Variants in MYH14 observed in about 807,000 individuals in gnomAD.
The protein encoded by MYH14 is myosin-14.
MYH14 carries 123 observed loss-of-function variants against 255.5 expected under a neutral mutation model. The ratio of observed to expected loss-of-function variants is 0.48; its 90% CI spans 0.42 to 0.56. The LOEUF (loss-of-function observed/expected upper bound fraction) is 0.56. MYH14 is among the 20% of genes least tolerant of loss of function. The pLI, the probability that MYH14 is intolerant of heterozygous loss-of-function variation, is 0.00. For missense variants in MYH14, 2,423 were observed against 2,802.3 expected, an observed-to-expected ratio of 0.86 and a Z score of 3.06; for synonymous variants, 1,095 against 1,161.2, an observed-to-expected ratio of 0.94 and a Z score of 1.16.
At position 50,293,025 on chromosome 19, in the gene MYH14, G is replaced by A. The variant is rs910119631; in HGVS notation, c.5257-208G>A. 5.9e-5 allele frequency among the ~76,000 whole-genome samples: 9 copies of A among 151,982 alleles called. No homozygotes were observed. The highest frequency in any genetic ancestry group is 1.3e-4 in the Admixed American group (2 of 15,258). On this transcript the variant is annotated intron_variant, in intron 37 of 42. Coordinates refer to ENST00000642316, the MANE Select transcript of MYH14 (RefSeq NM_001145809.2). This position sits in a 1 kb window ranked among gnomAD's most constrained non-coding sequence, Gnocchi z 4.1. ...AAGGTGGAGAGGGTGAGGGGCCTGG[G>A]GGTTGGGCTGCAAGAGGTGAGCACA... is the stretch of plus-strand genomic sequence containing the variant.
intron 25 of MYH14, 142 bp downstream of exon 25, chr19:50,271,688 A>G: frequency 6.9e-7 from 1 of 1,447,338 alleles, no homozygotes; most frequent in South Asian, 1.3e-5. Context: ...TATAGCCCCA[A>G]GGGAATGGGA....
chr19:50,285,245 C>T (rs1004136418), intron 33 of MYH14: 8 of 152,080 alleles, frequency 5.3e-5, no homozygotes, highest in African/African-American at 1.9e-4. Flanking sequence ...TTTGCATTTC[C>T]GTATGTATTT....
Position 50,281,862 on chromosome 19 carries a change from C to T in MYH14, c.4539+20C>T, listed in dbSNP as rs772661747. 2 of 1,603,310 alleles carry T rather than the reference C, an allele frequency of 1.2e-6. No homozygotes were observed. Among genetic ancestry groups the T allele is most frequent in the Non-Finnish European group, 1.7e-6 (2 of 1,172,496 alleles). On this transcript the variant is annotated intron_variant, in intron 33 of 42. Coordinates refer to ENST00000642316, the MANE Select transcript of MYH14 (RefSeq NM_001145809.2). The stretch of plus-strand genomic sequence containing the variant: ...GACCAGGTGGGGCACCTCAGTTCAC[C>T]CAGCCGGGGAATCAGCAAGTCCATC...
At chr19:50,213,058 C>T (rs1271820861) in intron 2 of MYH14, among the ~76,000 whole-genome samples, 2 of 152,158 alleles carry the variant, frequency 1.3e-5, no homozygotes, top group African/African-American at 4.8e-5. Flanking sequence ...GATCAAGCAA[C>T]TCTCTTGCCT....
intron 17 of MYH14, 47 bp downstream of exon 17, chr19:50,255,365 G>C (rs2034556462): frequency 3.5e-6 from 5 of 1,444,482 alleles, no homozygotes; most frequent in Non-Finnish European, 4.7e-6. Context: ...GGAGGAGGAG[G>C]GTGGACCTGT....
At chr19:50,234,008 C>G (rs560021370) in intron 10 of MYH14, among the ~76,000 whole-genome samples, 2 of 151,680 alleles carry the variant, frequency 1.3e-5, no homozygotes, top group South Asian at 4.2e-4. Context: ...TTAGTAGAGA[C>G]AGGGTTTCAC....
chr19:50,308,214 T>G (rs1293032409), intron 41 of MYH14: 1 of 152,180 alleles, frequency 6.6e-6, no homozygotes, highest in Non-Finnish European at 1.5e-5. Flanking sequence ...ATAAAGGCCT[T>G]GAAGAATAGA....
intron 27 of MYH14, 67 bp downstream of exon 27, chr19:50,272,798 C>T (rs1398464745): frequency 2.7e-6 from 4 of 1,487,218 alleles, no homozygotes; most frequent in Non-Finnish European, 3.6e-6. Context: ...GTGGGGTGCC[C>T]AAGTCAGAAG....
Position 50,250,425 on chromosome 19 carries a change from G to A in MYH14, c.1657-90G>A. 1 of 1,360,186 alleles carries A rather than the reference G, an allele frequency of 7.4e-7. No individual in the cohort carries two copies. Among genetic ancestry groups the A allele is most frequent in the Non-Finnish European group, 1.0e-6 (1 of 975,654 alleles). The allele number at this position is 1,360,186 out of a possible 1,614,324, so 84.3% of individuals were successfully genotyped here. Reference sequence around the variant, plus strand: ...ATCTCACGTTTGTTTTTATGTCCAAGTGTGACTTATAAGAGCTAAAAATCA... The same window carrying A: ...ATCTCACGTTTGTTTTTATGTCCAAATGTGACTTATAAGAGCTAAAAATCA... On this transcript the variant is annotated intron_variant, in intron 14 of 42. Coordinates refer to ENST00000642316, the MANE Select transcript of MYH14 (RefSeq NM_001145809.2). This position sits in a 1 kb window ranked among gnomAD's most constrained non-coding sequence, Gnocchi z 5.4.
rs760330697 is a variant in MYH14 at position 50,268,381 on chromosome 19, C to A, written c.3033+14C>A. The A allele has an allele frequency of 1.3e-6, 2 of 1,551,528 alleles. No homozygotes were observed. Among genetic ancestry groups the A allele is most frequent in the Admixed American group, 1.9e-5 (1 of 51,370 alleles). On this transcript the variant is annotated intron_variant, in intron 24 of 42. Transcript: ENST00000642316. ...CAGCACATACAGGTCTGGCCCCTTG[C>A]ATGCCCACCAGGCCACCCTCCAGAC...
At chr19:50,289,746 AC>A in intron 35 of MYH14, 98 bp downstream of exon 35, 2 of 1,091,780 alleles carry the variant, frequency 1.8e-6, no homozygotes, top group Non-Finnish European at 2.6e-6. Flanking sequence ...TCCCCGACCC[AC>A]CCACCACTCT....
chr19:50,307,017 C>G, intron 40 of MYH14, 32 bp from the exon 41 acceptor site: 2 of 1,479,392 alleles, frequency 1.4e-6, no homozygotes, highest in Non-Finnish European at 1.8e-6. Context: ...TTGAGCCCCT[C>G]TACTGAGACT....
At chr19:50,305,771 A>T (rs2036632736) in intron 40 of MYH14, among the ~76,000 whole-genome samples, 1 of 151,760 alleles carries the variant, frequency 6.6e-6, no homozygotes, top group Non-Finnish European at 1.5e-5. Context: ...CTACAAAAAT[A>T]AAAATTAAAA....
At position 50,232,037 on chromosome 19, in the gene MYH14, C is replaced by A; in HGVS notation, c.1081C>A (p.Arg361=). The A allele has an allele frequency of 1.9e-6, 3 of 1,613,118 alleles. No homozygotes were observed. The highest frequency in any genetic ancestry group is 2.5e-6 in the Non-Finnish European group (3 of 1,179,900). Residue 361 remains arginine, a synonymous_variant, in exon 10 of 43, where the codon CGG becomes AGG. Coordinates refer to ENST00000642316, the MANE Select transcript of MYH14 (RefSeq NM_001145809.2). The part of the protein sequence containing the change: ...ELFQETLESL[R]VLGFSHEEII... ...CTTCCAGGAGACGCTGGAGTCGCTGCGGGTCCTGGGATTCAGCCACGAGGA... is the reference window on the plus strand; with the variant it reads ...CTTCCAGGAGACGCTGGAGTCGCTGAGGGTCCTGGGATTCAGCCACGAGGA...
chr19:50,260,681 G>A lies in MYH14; in HGVS notation c.2390G>A (p.Gly797Asp), dbSNP rs753553245. The A allele has an allele frequency of 1.9e-6, 3 of 1,613,352 alleles. No homozygotes were observed. In the East Asian group the frequency reaches 6.7e-5, roughly 36 times the overall value. ...CTGACACCCAATGCCATCCCCAAGG[G>A]CTTCATGGATGGGAAGCAGGCCTGT... ...EILTPNAIPK[G>D]FMDGKQACEK... The change falls in exon 20 of 43, where the codon GGC becomes GAC. Residue 797 changes from glycine to aspartate, a missense_variant. Gly to Asp is a moderately conservative substitution (Grantham distance 94). Around this residue, in one of 3 missense-constraint regions of MYH14, gnomAD observed 672 missense variants for 881.8 expected, o/e 0.76. Transcript: ENST00000642316.
chr19:50,230,361 C>T lies in MYH14; in HGVS notation c.875-164C>T, dbSNP rs990436869. Reference sequence around the variant, plus strand: ...CACAAGTGCTTAAGTGACATGAGCACGGCTGCTCTTCCAGTTAGTGGCAAA... The same window carrying T: ...CACAAGTGCTTAAGTGACATGAGCATGGCTGCTCTTCCAGTTAGTGGCAAA... On this transcript the variant is annotated intron_variant, in intron 8 of 42. Coordinates refer to ENST00000642316, the MANE Select transcript of MYH14 (RefSeq NM_001145809.2). This position sits in a 1 kb window ranked among gnomAD's most constrained non-coding sequence, Gnocchi z 4.7. Among the ~76,000 whole-genome samples the T allele has an allele frequency of 1.3e-5, 2 of 152,184 alleles. No homozygotes were observed. Among genetic ancestry groups the T allele is most frequent in the Non-Finnish European group, 2.9e-5 (2 of 68,024 alleles).
intron 6 of MYH14, among the ~76,000 whole-genome samples, chr19:50,225,228 A>G (rs1295193708): frequency 1.3e-5 from 2 of 152,144 alleles, no homozygotes; most frequent in Admixed American, 6.5e-5. Flanking sequence ...CTTTCTCCAT[A>G]TGTTTACAAA....
At chr19:50,277,856 G>A (rs2035564751) in intron 29 of MYH14, among the ~76,000 whole-genome samples, 1 of 151,996 alleles carries the variant, frequency 6.6e-6, no homozygotes, top group South Asian at 2.1e-4. Context: ...GGCGGAGGTT[G>A]CAGTGAGCAG....
intron 39 of MYH14, among the ~76,000 whole-genome samples, chr19:50,300,364 T>C (rs578090089): frequency 4.6e-5 from 7 of 152,332 alleles, no homozygotes; most frequent in African/African-American, 1.4e-4. Context: ...GGTTGAGAAT[T>C]ACTGTGCTAA....
Sources: allele counts gnomAD v4.1 joint callset (sites outside exome capture counted in the v4.1 genomes callset), GRCh38; gene constraint gnomAD v4.1.1; regional missense constraint gnomAD v4.1.1; non-coding constraint Gnocchi (gnomAD v3.1); transcripts MANE v1.5; gene names NCBI Gene and HGNC (gene_info 2026-07-23, HGNC 2026-07-21).